The following RADIL variants were observed in gnomAD, a reference collection of about 807,000 sequenced individuals.
RADIL encodes the protein ras-associating and dilute domain-containing protein.
RADIL carries 99 observed loss-of-function variants against 97.6 expected under a neutral mutation model. That is an observed-to-expected ratio of 1.01 (90% CI 0.86 to 1.20). The LOEUF (loss-of-function observed/expected upper bound fraction) is 1.20. Ranked by LOEUF, RADIL falls within the 50% of genes most tolerant of loss-of-function variation. The pLI is 0.00. For synonymous variants in RADIL, 803 were observed against 691.8 expected (o/e 1.16, Z -2.52); for missense variants, 1,765 against 1,498.9 (o/e 1.18, Z -2.93).
At position 4,821,470 on chromosome 7, in the gene RADIL, G is replaced by A. The variant is rs918623944; in HGVS notation, c.1615+924C>T. ...GCCGAAATCCTACCCCGGCTTCCGGGCCCGGCCCCATGCCACCTTCCTCTC... is the reference window on the plus strand; with the variant it reads ...GCCGAAATCCTACCCCGGCTTCCGGACCCGGCCCCATGCCACCTTCCTCTC... On this transcript the variant is annotated intron_variant, in intron 6 of 14. Coordinates refer to ENST00000399583, the MANE Select transcript of RADIL (RefSeq NM_018059.5). The surrounding 1 kb of genome is among the most constrained non-coding windows in gnomAD (Gnocchi z 5.2). 6.6e-6 allele frequency among the ~76,000 whole-genome samples: 1 copy of A among 152,174 alleles called. No individual in the cohort carries two copies. The highest frequency in any genetic ancestry group is 1.5e-5 in the Non-Finnish European group (1 of 68,022).
intron 12 of RADIL, among the ~76,000 whole-genome samples, chr7:4,800,968 G>A (rs1278045689): frequency 1.3e-5 from 2 of 152,208 alleles, no homozygotes; most frequent in Non-Finnish European, 2.9e-5. Flanking sequence ...GGGCCGGCTG[G>A]GGCTGCCTCA....
At position 4,860,811 on chromosome 7, in the gene RADIL, T is replaced by C. The variant is rs764719157; in HGVS notation, c.535+16794A>G. 4 of 1,614,148 alleles carry C rather than the reference T, an allele frequency of 2.5e-6. No individual in the cohort carries two copies. The East Asian group carries it at 8.9e-5, about 36-fold the overall frequency. The stretch of plus-strand genomic sequence containing the variant: ...AACTCCTCAATCATGACCATCCTGG[T>C]TGAAATAGACACGTTGTATGTGGAG... On this transcript the variant is annotated intron_variant, in intron 2 of 14. Transcript: ENST00000399583.
rs1340033042 is a variant in RADIL, at chr7:4,815,464, A to T, written c.1967-14T>A. Reference sequence around the variant, plus strand: ...TCAGGGAGGGGCCTGTGGAGGGAAGAAGGGAGGGTGATGCCTGGGCTGCCC... The same window carrying T: ...TCAGGGAGGGGCCTGTGGAGGGAAGTAGGGAGGGTGATGCCTGGGCTGCCC... On this transcript the variant is annotated splice_polypyrimidine_tract_variant and intron_variant, in intron 8 of 14. Transcript: ENST00000399583. The surrounding 1 kb of genome is among the most constrained non-coding windows in gnomAD (Gnocchi z 8.0). 7 of 1,490,886 alleles carry T rather than the reference A, an allele frequency of 4.7e-6. No individual in the cohort carries two copies. Among genetic ancestry groups the T allele is most frequent in the Non-Finnish European group, 6.3e-6 (7 of 1,117,416 alleles). 92.4% of individuals were successfully genotyped at this position (1,490,886 alleles called of 1,614,324 possible). A position where few individuals can be genotyped will look rare whatever the true frequency, so the allele number is the denominator to read the frequency against.
In RADIL at chr7:4,834,530, C is replaced by T. The variant is rs1439513464; in HGVS notation, c.1416+77G>A. 1 of 1,268,462 alleles carries T rather than the reference C, an allele frequency of 7.9e-7. No individual in the cohort carries two copies. Among genetic ancestry groups the T allele is most frequent in the Non-Finnish European group, 9.9e-7 (1 of 1,007,378 alleles). 78.6% of individuals were successfully genotyped at this position (1,268,462 alleles called of 1,614,324 possible). A position where few individuals can be genotyped will look rare whatever the true frequency, so the allele number is the denominator to read the frequency against. On this transcript the variant is annotated intron_variant, in intron 4 of 14. Coordinates refer to ENST00000399583, the MANE Select transcript of RADIL (RefSeq NM_018059.5). This position sits in a 1 kb window ranked among gnomAD's most constrained non-coding sequence, Gnocchi z 6.0. ...GGTCAGATAGAGGCGCTCCCGCCTC[C>T]CAGCCGGGGCCAGCTCCGGGCCCCC...
intron 5 of RADIL, among the ~76,000 whole-genome samples, chr7:4,823,873 A>G (rs547821951): frequency 6.6e-6 from 1 of 152,312 alleles, no homozygotes; most frequent in East Asian, 1.9e-4. Flanking sequence ...CCAGCCACAC[A>G]TCTTTCTCAC....
At chr7:4,803,815 G>T in intron 10 of RADIL, 61 bp from the exon 11 acceptor site, 1 of 1,447,632 alleles carries the variant, frequency 6.9e-7, no homozygotes, top group Non-Finnish European at 9.5e-7. Context: ...TCGCCAGGCC[G>T]CCCCGCCCAA....
chr7:4,834,822 G>A lies in RADIL; in HGVS notation c.1201C>T (p.Arg401Trp), dbSNP rs1412106903. The A allele has an allele frequency of 3.0e-6, 4 of 1,314,032 alleles. No homozygotes were observed. The highest frequency in any genetic ancestry group is 3.9e-6 in the Non-Finnish European group (4 of 1,028,304). 81.4% of individuals were successfully genotyped at this position (1,314,032 alleles called of 1,614,324 possible). ...AACTCCAGGAGCAGCTGCTGGCGCC[G>A]GGGCAGGGCGGCCTGAGTAGGGGAG... ...AASPTQAALP[R>W]RQQLLLEFEP... is the part of the protein sequence containing the mutation. The change falls in exon 4 of 15, where the codon CGG (arginine) becomes TGG (tryptophan). Residue 401 changes from arginine to tryptophan, a missense_variant. Coordinates refer to ENST00000399583, the MANE Select transcript of RADIL (RefSeq NM_018059.5). The surrounding 1 kb of genome is among the most constrained non-coding windows in gnomAD (Gnocchi z 6.0).
rs866690032 is a variant in RADIL, at chr7:4,835,622, C to G, written c.784-383G>C. 6.6e-6 allele frequency among the ~76,000 whole-genome samples: 1 copy of G among 151,848 alleles called. No homozygotes were observed. The highest frequency in any genetic ancestry group is 2.0e-4 in the East Asian group (1 of 5,090). On this transcript the variant is annotated intron_variant, in intron 3 of 14. Transcript: ENST00000399583. The surrounding 1 kb of genome is among the most constrained non-coding windows in gnomAD (Gnocchi z 5.8). The stretch of plus-strand genomic sequence containing the variant: ...GAGCACTGCCGCCTGTGTGGGAGCA[C>G]CACCCCCAGTGTGGGAGCACTGCCG...
chr7:4,875,192 CAACAACAA>C (rs1562460588), intron 2 of RADIL, among the ~76,000 whole-genome samples: 1 of 2,866 alleles, frequency 3.5e-4, no homozygotes, highest in Non-Finnish European at 9.6e-4. Flanking sequence ...ACTCCATCTC[CAACAACAA>C]CAACAACAAC....
intron 2 of RADIL, among the ~76,000 whole-genome samples, chr7:4,871,220 T>C (rs1321637782): frequency 6.6e-6 from 1 of 152,204 alleles, no homozygotes; most frequent in Non-Finnish European, 1.5e-5. Context: ...GTTATTCCCA[T>C]GTAAAAAGAG....
rs979534926 is a variant in RADIL, at chr7:4,878,959, G to A, written c.-64-756C>T. On this transcript the variant is annotated intron_variant, in intron 1 of 14. Coordinates refer to ENST00000399583, the MANE Select transcript of RADIL (RefSeq NM_018059.5). The surrounding 1 kb of genome is among the most constrained non-coding windows in gnomAD (Gnocchi z 4.1). ...GTGCAACCAGGAAAACAGGCGAATC[G>A]CAGCCACGTTGGCAGAATAGACCAT... is the stretch of plus-strand genomic sequence containing the variant. Among the ~76,000 whole-genome samples, 12 of 152,218 alleles carry A rather than the reference G, an allele frequency of 7.9e-5. No individual in the cohort carries two copies. The highest frequency in any genetic ancestry group is 3.9e-4 in the Admixed American group (6 of 15,286).
intron 2 of RADIL, among the ~76,000 whole-genome samples, chr7:4,847,491 G>C (rs1031136861): frequency 2.6e-5 from 4 of 152,110 alleles, no homozygotes; most frequent in African/African-American, 9.7e-5. Flanking sequence ...CAACTCCTAG[G>C]TATATGCCCA....
intron 2 of RADIL, among the ~76,000 whole-genome samples, chr7:4,862,930 A>T (rs1784053573): frequency 6.6e-6 from 1 of 152,024 alleles, no homozygotes; most frequent in African/African-American, 2.4e-5. Context: ...ATAAAAATAA[A>T]AAATAAAAAA....
intron 9 of RADIL, chr7:4,806,094 G>C: frequency 1.0e-6 from 1 of 971,626 alleles, no homozygotes; most frequent in Non-Finnish European, 1.2e-6. Flanking sequence ...CTAAAAACCT[G>C]CCTGGAAGGC....
At chr7:4,827,221 C>T (rs542503724) in intron 5 of RADIL, among the ~76,000 whole-genome samples, 6 of 151,950 alleles carry the variant, frequency 3.9e-5, no homozygotes, top group South Asian at 2.1e-4. Context: ...AAAAATTAGC[C>T]GGGCATGGTG....
intron 2 of RADIL, among the ~76,000 whole-genome samples, chr7:4,875,799 G>C (rs1210368851): frequency 1.3e-5 from 2 of 152,132 alleles, no homozygotes; most frequent in Non-Finnish European, 2.9e-5. Flanking sequence ...GAATCAGGAG[G>C]GGAGGGACCC....
intron 9 of RADIL, chr7:4,805,924 G>A (rs374233074): frequency 7.6e-5 from 75 of 985,364 alleles, no homozygotes; most frequent in South Asian, 6.1e-4. Flanking sequence ...GGGAGAGGCC[G>A]GCCAGTGCCA....
At position 4,860,888 on chromosome 7, in the gene RADIL, C is replaced by G. The variant is rs747273738; in HGVS notation, c.535+16717G>C. 8 of 1,614,222 alleles carry G rather than the reference C, an allele frequency of 5.0e-6. No individual in the cohort carries two copies. The South Asian group carries it at 7.7e-5, about 16-fold the overall frequency. Reference sequence around the variant, plus strand: ...GATAGGCATAAGATGGTACCTATCACTGGGATTTACTCTTGGGTCCCATAC... The same window carrying G: ...GATAGGCATAAGATGGTACCTATCAGTGGGATTTACTCTTGGGTCCCATAC... On this transcript the variant is annotated intron_variant, in intron 2 of 14. Coordinates refer to ENST00000399583, the MANE Select transcript of RADIL (RefSeq NM_018059.5).
chr7:4,810,861 C>T (rs1166777062), intron 9 of RADIL, among the ~76,000 whole-genome samples: 1 of 152,192 alleles, frequency 6.6e-6, no homozygotes, highest in African/African-American at 2.4e-5. Flanking sequence ...TTAGGCCGGG[C>T]GTGGTGGCTC....
Sources: gnomAD v4.1 joint callset for allele counts (sites outside exome capture counted in the v4.1 genomes callset) on GRCh38, gnomAD v4.1.1 for gene constraint, Gnocchi (gnomAD v3.1) non-coding constraint, MANE v1.5 for transcripts, NCBI Gene and HGNC (gene_info 2026-07-23, HGNC 2026-07-21) for gene names.